The following NTRK2 variants were observed in gnomAD, a reference collection of about 807,000 sequenced individuals.
The protein encoded by NTRK2 is BDNF/NT-3 growth factors receptor.
NTRK2 carries 13 observed loss-of-function variants against 94.5 expected under a neutral mutation model. That is an observed-to-expected ratio of 0.14 (90% CI 0.09 to 0.22). The LOEUF is 0.22. Ranked by LOEUF, NTRK2 falls within the 10% of genes least tolerant of loss-of-function variation. The pLI is 1.00. For missense variants in NTRK2, 639 were observed against 1,071.2 expected (o/e 0.60, Z 5.63); for synonymous variants, 372 against 407.4 (o/e 0.91, Z 1.05).
intron 15 of NTRK2, among the ~76,000 whole-genome samples, chr9:84,934,965 G>C (rs1462776415): frequency 1.3e-5 from 2 of 151,996 alleles, no homozygotes; most frequent in African/African-American, 4.8e-5. Context: ...ATGATTGAAG[G>C]GGATACAATT....
rs1370373756 is a variant in NTRK2, at chr9:85,026,854, C to T, written c.*5417C>T. On this transcript the variant is annotated 3_prime_UTR_variant, in exon 19 of 19. Coordinates refer to ENST00000277120, the MANE Select transcript of NTRK2 (RefSeq NM_006180.6). ...TACTTACCAGTTCTTGTTTTGCAAT[C>T]TGTTTTGAGGTCCATTGCTTTACTA... The T allele has an allele frequency of 3.0e-5, 7 of 232,646 alleles. No homozygotes were observed. The highest frequency in any genetic ancestry group is 5.9e-5 in the Non-Finnish European group (7 of 117,868). The allele number at this position is 232,646 out of a possible 1,614,324, so 14.4% of individuals were successfully genotyped here. A position where few individuals can be genotyped will look rare whatever the true frequency, so the allele number is the denominator to read the frequency against.
intron 4 of NTRK2, among the ~76,000 whole-genome samples, chr9:84,706,683 C>G (rs1047937262): frequency 1.3e-5 from 2 of 151,834 alleles, no homozygotes; most frequent in African/African-American, 4.8e-5. Flanking sequence ...GTGCCCGCCA[C>G]CGCCTGGCTA....
At chr9:85,017,007 T>A (rs1832309780) in intron 17 of NTRK2, among the ~76,000 whole-genome samples, 1 of 152,232 alleles carries the variant, frequency 6.6e-6, no homozygotes, top group Non-Finnish European at 1.5e-5. Flanking sequence ...AAGCTTTTTC[T>A]TGGCTATTAG....
chr9:84,899,406 C>T (rs1256542570), intron 14 of NTRK2, among the ~76,000 whole-genome samples: 1 of 152,196 alleles, frequency 6.6e-6, no homozygotes, highest in East Asian at 1.9e-4. Context: ...TACCTCCAAT[C>T]TCAGTTGAAT....
At chr9:84,727,455 T>C (rs1350699668) in intron 8 of NTRK2, among the ~76,000 whole-genome samples, 199 bp from the exon 9 acceptor site, 1 of 152,030 alleles carries the variant, frequency 6.6e-6, no homozygotes, top group Admixed American at 6.5e-5. Context: ...GAGAAAGGAG[T>C]CTCTCTGAAG....
At chr9:84,904,836 T>C (rs1010386713) in intron 14 of NTRK2, among the ~76,000 whole-genome samples, 1 of 152,232 alleles carries the variant, frequency 6.6e-6, no homozygotes, top group Non-Finnish European at 1.5e-5. Flanking sequence ...GCTGTTATAA[T>C]CCAAGTATTT....
chr9:84,813,186 G>T (rs201890096), intron 12 of NTRK2: 22 of 1,048,010 alleles, frequency 2.1e-5, no homozygotes, highest in Non-Finnish European at 2.4e-5. Flanking sequence ...TGCCAGGCAG[G>T]TCTCCTAAAT....
intron 17 of NTRK2, among the ~76,000 whole-genome samples, chr9:84,983,495 G>A (rs528818725): frequency 3.9e-5 from 6 of 152,218 alleles, no homozygotes; most frequent in Non-Finnish European, 7.4e-5. Flanking sequence ...TTCTACTAAT[G>A]GAAACTAAGG....
chr9:84,688,251 G>C (rs72737661), intron 2 of NTRK2, among the ~76,000 whole-genome samples: 4,684 of 152,304 alleles, frequency 0.031, 98 homozygotes, highest in Middle Eastern at 0.078. Context: ...AAGGACCTGG[G>C]CCCAATGCTC....
Position 85,026,456 on chromosome 9 carries a change from C to T in NTRK2, c.*5019C>T. ...ATTACAGAAAATGAAATGTAAAGGC[C>T]TATATCTTGCAGCTTGTATATCTTA... On this transcript the variant is annotated 3_prime_UTR_variant, in exon 19 of 19. Coordinates refer to ENST00000277120, the MANE Select transcript of NTRK2 (RefSeq NM_006180.6). 4.3e-6 allele frequency: 1 copy of T among 232,200 alleles called. No individual in the cohort carries two copies. The highest frequency in any genetic ancestry group is 8.5e-6 in the Non-Finnish European group (1 of 117,454). The allele number at this position is 232,200 out of a possible 1,614,324, so 14.4% of individuals were successfully genotyped here.
At chr9:84,828,409 A>G (rs1352623993) in intron 12 of NTRK2, among the ~76,000 whole-genome samples, 4 of 152,220 alleles carry the variant, frequency 2.6e-5, no homozygotes, top group Non-Finnish European at 5.9e-5. Context: ...TTGCATTTCC[A>G]TAGATATGCT....
chr9:84,881,598 A>G (rs2076256031), intron 14 of NTRK2, among the ~76,000 whole-genome samples: 2 of 152,228 alleles, frequency 1.3e-5, no homozygotes, highest in African/African-American at 4.8e-5. Context: ...GGATGATCTT[A>G]TCTACTTTGC....
intron 14 of NTRK2, among the ~76,000 whole-genome samples, chr9:84,882,723 C>CGCGCGCGT (rs1564428918): frequency 7.3e-5 from 10 of 136,682 alleles, no homozygotes; most frequent in African/African-American, 2.2e-4. Context: ...TGTGTGTGCG[C>CGCGCGCGT]GCGCGCGCGC....
In NTRK2 at chr9:84,949,617, G is replaced by A. The variant is rs76792764; in HGVS notation, c.1937+983G>A. Among the ~76,000 whole-genome samples the A allele has an allele frequency of 8.4e-4, 128 of 152,252 alleles. 1 individual carries two copies. The East Asian group carries it at 0.018, about 21-fold the overall frequency. On this transcript the variant is annotated intron_variant, in intron 16 of 18. Coordinates refer to ENST00000277120, the MANE Select transcript of NTRK2 (RefSeq NM_006180.6). Reference sequence around the variant, plus strand: ...CACGTAGCTGGGATAACAGGCATGTGCCACCATGTCTGGTAATTTTCATAT... The same window carrying A: ...CACGTAGCTGGGATAACAGGCATGTACCACCATGTCTGGTAATTTTCATAT...
At chr9:85,004,053 G>GAAAGAAAGAA (rs1316613240) in intron 17 of NTRK2, among the ~76,000 whole-genome samples, 387 of 64,374 alleles carry the variant, frequency 6.0e-3, no homozygotes, top group African/African-American at 7.3e-3. Context: ...AAGGGAGAAA[G>GAAAGAAAGAA]AGAAAGAAAG....
chr9:84,759,843 A>T (rs2065395756), intron 12 of NTRK2, among the ~76,000 whole-genome samples: 1 of 151,570 alleles, frequency 6.6e-6, no homozygotes, highest in Non-Finnish European at 1.5e-5. Flanking sequence ...TTTTTCTTCC[A>T]TCTCATTCCT....
chr9:84,679,004 C>G (rs1219015952), intron 2 of NTRK2, among the ~76,000 whole-genome samples: 1 of 152,056 alleles, frequency 6.6e-6, no homozygotes, highest in African/African-American at 2.4e-5. Flanking sequence ...GGGATTGGTG[C>G]CCTTATAAAA....
rs549998096 is a variant in NTRK2 at position 84,710,158 on chromosome 9, C to T, written c.429-479C>T. Among the ~76,000 whole-genome samples, 4 of 152,324 alleles carry T rather than the reference C, an allele frequency of 2.6e-5. No homozygotes were observed. In the South Asian group the frequency reaches 8.3e-4, roughly 32 times the overall value. On this transcript the variant is annotated intron_variant, in intron 5 of 18. Coordinates refer to ENST00000277120, the MANE Select transcript of NTRK2 (RefSeq NM_006180.6). ...TTAGTCTTAGCTTTGTACTTACAGT[C>T]TCATTTTAAATTGAGATGAAATTGT... is the stretch of plus-strand genomic sequence containing the variant.
At position 85,022,593 on chromosome 9, in the gene NTRK2, T is replaced by A. The variant is rs1832835995; in HGVS notation, c.*1156T>A. On this transcript the variant is annotated 3_prime_UTR_variant, in exon 19 of 19. Coordinates refer to ENST00000277120, the MANE Select transcript of NTRK2 (RefSeq NM_006180.6). ...ACTTCCCTCCGACCCCTAACTTCCA[T>A]GCCCACCCGTCCTTTTAACTGTGCA... The A allele has an allele frequency of 4.3e-6, 1 of 233,242 alleles. No homozygotes were observed. Among genetic ancestry groups the A allele is most frequent in the Non-Finnish European group, 8.5e-6 (1 of 118,014 alleles). The allele number at this position is 233,242 out of a possible 1,614,324, so 14.4% of individuals were successfully genotyped here. A position where few individuals can be genotyped will look rare whatever the true frequency, so the allele number is the denominator to read the frequency against.
Sources: allele counts gnomAD v4.1 joint callset (sites outside exome capture counted in the v4.1 genomes callset), GRCh38; gene constraint gnomAD v4.1.1; transcripts MANE v1.5; gene names NCBI Gene and HGNC (gene_info 2026-07-23, HGNC 2026-07-21).